Variants in GRIN2B observed in about 807,000 individuals in gnomAD.
The protein encoded by GRIN2B is glutamate ionotropic receptor NMDA type subunit 2B, also known as glutamate receptor ionotropic, NMDA 2B.
GRIN2B carries 5 observed loss-of-function variants against 114.5 expected under a neutral mutation model. The ratio of observed to expected loss-of-function variants is 0.04; its 90% CI spans 0.02 to 0.09. The LOEUF (loss-of-function observed/expected upper bound fraction) is 0.09. Among genes scored for constraint, GRIN2B ranks in the 10% least tolerant of loss-of-function variants. The probability of loss-of-function intolerance (pLI) is 1.00; values close to 1 mark genes in which losing one functional copy is unlikely to be tolerated. For synonymous variants in GRIN2B, 787 were observed against 745.1 expected, an observed-to-expected ratio of 1.06 and a Z score of -0.92; for missense variants, 1,108 against 1,943.5, an observed-to-expected ratio of 0.57 and a Z score of 8.08.
intron 3 of GRIN2B, among the ~76,000 whole-genome samples, chr12:13,855,049 G>GAAA (rs3082840): frequency 4.1e-4 from 36 of 88,010 alleles, no homozygotes; most frequent in Admixed American, 7.5e-4. Context: ...CATCTCTACT[G>GAAA]AAAAAAAAAA....
chr12:13,630,028 GGTC>G (rs774462802), intron 5 of GRIN2B, among the ~76,000 whole-genome samples: 1 of 152,092 alleles, frequency 6.6e-6, no homozygotes, highest in Admixed American at 6.5e-5. Context: ...TTATGTGTCT[GGTC>G]TCCTCCAGTA....
At chr12:13,638,281 G>C (rs535398950) in intron 5 of GRIN2B, among the ~76,000 whole-genome samples, 1 of 152,042 alleles carries the variant, frequency 6.6e-6, no homozygotes. Flanking sequence ...AAGAAAAGTC[G>C]TATAAGAGAC....
chr12:13,572,810 A>G (rs889479617), intron 10 of GRIN2B, among the ~76,000 whole-genome samples: 4 of 152,328 alleles, frequency 2.6e-5, no homozygotes, highest in African/African-American at 9.6e-5. Flanking sequence ...TATCCGTTTC[A>G]AAATAAAACT....
At chr12:13,618,264 T>TG (rs1205361724) in intron 5 of GRIN2B, among the ~76,000 whole-genome samples, 1 of 152,226 alleles carries the variant, frequency 6.6e-6, no homozygotes, top group Admixed American at 6.5e-5. Flanking sequence ...GACTCAGTCC[T>TG]GGGGGTCCAG....
rs71067718 is a variant in GRIN2B, at chr12:13,692,760, CTTTTTTT to C, written c.1011-16908_1011-16902del. Among the ~76,000 whole-genome samples the C allele has an allele frequency of 3.7e-3, 195 of 52,130 alleles. 5 individuals carry two copies. Among genetic ancestry groups the C allele is most frequent in the African/African-American group, 0.015 (159 of 10,562 alleles). 34.2% of individuals were successfully genotyped at this position (52,130 alleles called of 152,430 possible). The stretch of plus-strand genomic sequence containing the variant: ...ACTTATTTTCATTAATCTTTCTTTT[CTTTTTTT>C]TTTTTTTTTTTTTTTTTTGAGGCAG... On this transcript the variant is annotated intron_variant, in intron 4 of 13. Transcript: ENST00000609686.
chr12:13,603,357 G>A (rs1445212480), intron 10 of GRIN2B, among the ~76,000 whole-genome samples: 1 of 152,124 alleles, frequency 6.6e-6, no homozygotes, highest in Non-Finnish European at 1.5e-5. Flanking sequence ...AGGAAGAAAA[G>A]TGAATAACTG....
rs1040869296 is a variant in GRIN2B at position 13,556,320 on chromosome 12, T to A, written c.*6463A>T. ...ATGTATAATCATACAAATGTATGCA[T>A]ACCTATTTATACATACATTTACATA... On this transcript the variant is annotated 3_prime_UTR_variant, in exon 14 of 14. Coordinates refer to ENST00000609686, the MANE Select transcript of GRIN2B (RefSeq NM_000834.5). The A allele has an allele frequency of 6.6e-6, 1 of 152,232 alleles. No individual in the cohort carries two copies. Among genetic ancestry groups the A allele is most frequent in the Non-Finnish European group, 1.5e-5 (1 of 68,042 alleles). 9.4% of individuals were successfully genotyped at this position (152,232 alleles called of 1,614,324 possible).
chr12:13,753,118 T>C lies in GRIN2B; in HGVS notation c.1010+199A>G, dbSNP rs1863513156. On this transcript the variant is annotated intron_variant, in intron 4 of 13. Transcript: ENST00000609686. The surrounding 1 kb of genome is among the most constrained non-coding windows in gnomAD (Gnocchi z 6.2). ...AGAGTAACATCTAACACATAATAAG[T>C]GCTCAATAAATGAAAGTTGTTTTGG... Among the ~76,000 whole-genome samples the C allele has an allele frequency of 6.6e-6, 1 of 152,220 alleles. No homozygotes were observed. The highest frequency in any genetic ancestry group is 1.5e-5 in the Non-Finnish European group (1 of 68,040).
intron 4 of GRIN2B, among the ~76,000 whole-genome samples, chr12:13,692,748 A>C (rs2136559418): frequency 1.1e-5 from 1 of 89,836 alleles, no homozygotes; most frequent in Non-Finnish European, 2.3e-5. Context: ...TATTTTCATT[A>C]ATCTTTCTTT....
chr12:13,610,845 T>C (rs925484635), intron 9 of GRIN2B, among the ~76,000 whole-genome samples: 1 of 152,136 alleles, frequency 6.6e-6, no homozygotes, highest in Non-Finnish European at 1.5e-5. Context: ...GAAAATGAGG[T>C]CCAAGCACCT....
At chr12:13,892,040 T>C (rs1173909193) in intron 2 of GRIN2B, among the ~76,000 whole-genome samples, 1 of 152,248 alleles carries the variant, frequency 6.6e-6, no homozygotes, top group East Asian at 1.9e-4. Flanking sequence ...GCCTGGGACA[T>C]GTCATTTGAT....
rs1172270197 is a variant in GRIN2B, at chr12:13,888,218, ATT to A, written c.-18-21994_-18-21993del. Among the ~76,000 whole-genome samples, 11 of 152,182 alleles carry A rather than the reference ATT, an allele frequency of 7.2e-5. 1 individual carries two copies. Among genetic ancestry groups the A allele is most frequent in the Admixed American group, 6.5e-4 (10 of 15,284 alleles). ...AAATGTGTTGTTAAGCAATTTCATC[ATT>A]GTGTGAACATCACAGAGTGCACTTC... On this transcript the variant is annotated intron_variant, in intron 2 of 13. Transcript: ENST00000609686.
chr12:13,848,761 T>C (rs111596395), intron 3 of GRIN2B, among the ~76,000 whole-genome samples: 3,431 of 152,234 alleles, frequency 0.023, 143 homozygotes, highest in African/African-American at 0.078. Context: ...AGCCTCTTTC[T>C]TGAACCCAAC....
chr12:13,621,607 GTTTTTGTTTTTTT>G (rs1177049413), intron 5 of GRIN2B, among the ~76,000 whole-genome samples: 3 of 27,694 alleles, frequency 1.1e-4, no homozygotes, highest in African/African-American at 4.1e-4. Context: ...AAATTGCCTA[GTTTTTGTTTTTTT>G]TTTTTTTTTT....
At chr12:13,907,637 T>A (rs1221089253) in intron 2 of GRIN2B, among the ~76,000 whole-genome samples, 1 of 152,168 alleles carries the variant, frequency 6.6e-6, no homozygotes, top group East Asian at 1.9e-4. Context: ...TGGTATTGAC[T>A]GGAAATGGGC....
intron 5 of GRIN2B, 74 bp downstream of exon 5, chr12:13,675,671 C>G: frequency 1.0e-3 from 884 of 849,368 alleles, no homozygotes; most frequent in Non-Finnish European, 1.7e-3. Flanking sequence ...CAAAGGACTA[C>G]TTTCCTTCAT....
chr12:13,772,868 C>T (rs1225113666), intron 3 of GRIN2B, among the ~76,000 whole-genome samples: 3 of 152,108 alleles, frequency 2.0e-5, no homozygotes, highest in African/African-American at 7.2e-5. Flanking sequence ...AGGATCAAAG[C>T]CACCCCCTGC....
intron 2 of GRIN2B, among the ~76,000 whole-genome samples, chr12:13,918,699 T>C (rs1866772333): frequency 6.6e-6 from 1 of 152,248 alleles, no homozygotes; most frequent in Admixed American, 6.5e-5. Context: ...GGTTATTTGC[T>C]TCCTCTCCTA....
At chr12:13,976,323 T>C (rs1489863876) in intron 2 of GRIN2B, among the ~76,000 whole-genome samples, 1 of 152,234 alleles carries the variant, frequency 6.6e-6, no homozygotes, top group Non-Finnish European at 1.5e-5. Context: ...GAGACAATAC[T>C]GGCATCCAAT....
Sources: gnomAD v4.1 joint callset for allele counts (sites outside exome capture counted in the v4.1 genomes callset) on GRCh38, gnomAD v4.1.1 for gene constraint, Gnocchi (gnomAD v3.1) non-coding constraint, MANE v1.5 for transcripts, NCBI Gene and HGNC (gene_info 2026-07-23, HGNC 2026-07-21) for gene names.